The following SKAP1 variants were observed in gnomAD, a reference collection of about 807,000 sequenced individuals.
SKAP1 encodes the protein src kinase-associated phosphoprotein 1.
SKAP1 carries 44 observed loss-of-function variants against 58.5 expected under a neutral mutation model. The ratio of observed to expected loss-of-function variants is 0.75; its 90% confidence interval spans 0.59 to 0.97. The LOEUF (loss-of-function observed/expected upper bound fraction) is 0.97. Ranked by LOEUF, SKAP1 falls within the 50% of genes least tolerant of loss-of-function variation. The pLI is 0.00. For missense variants in SKAP1, 390 were observed against 435.2 expected (o/e 0.90, Z 0.92); for synonymous variants, 127 against 149.7 (o/e 0.85, Z 1.11).
At chr17:48,409,993 C>T (rs1454369982) in intron 1 of SKAP1, among the ~76,000 whole-genome samples, 1 of 152,144 alleles carries the variant, frequency 6.6e-6, no homozygotes, top group Non-Finnish European at 1.5e-5. Flanking sequence ...AGGGAAAAGG[C>T]GCTGACCTAA....
chr17:48,319,496 G>C (rs2066332447), intron 4 of SKAP1, among the ~76,000 whole-genome samples: 1 of 152,164 alleles, frequency 6.6e-6, no homozygotes, highest in Non-Finnish European at 1.5e-5. Flanking sequence ...ATAAGAAACA[G>C]CAGTAGATCA....
intron 4 of SKAP1, among the ~76,000 whole-genome samples, chr17:48,229,025 G>A (rs2065099335): frequency 6.6e-6 from 1 of 152,120 alleles, no homozygotes. Context: ...TCTCAGCACT[G>A]CCTTCAGGTC....
At chr17:48,274,043 C>A (rs2143999711) in intron 4 of SKAP1, among the ~76,000 whole-genome samples, 1 of 152,250 alleles carries the variant, frequency 6.6e-6, no homozygotes, top group Admixed American at 6.5e-5. Context: ...CCTGCTTCAG[C>A]CTCCTGAGTA....
chr17:48,366,397 A>T (rs1374338457), intron 2 of SKAP1, among the ~76,000 whole-genome samples: 1 of 149,784 alleles, frequency 6.7e-6, no homozygotes, highest in Non-Finnish European at 1.5e-5. Context: ...CTTGGGTTAG[A>T]GGGTGAGGAA....
At chr17:48,296,552 C>T (rs2065976126) in intron 4 of SKAP1, among the ~76,000 whole-genome samples, 1 of 152,110 alleles carries the variant, frequency 6.6e-6, no homozygotes. Context: ...ATACATGTAT[C>T]TACTTTAAGT....
chr17:48,420,373 T>C (rs1385142099), intron 1 of SKAP1, among the ~76,000 whole-genome samples: 1 of 152,160 alleles, frequency 6.6e-6, no homozygotes, highest in African/African-American at 2.4e-5. Flanking sequence ...ACTGTCATTG[T>C]TTGGGAAAAT....
In SKAP1 at chr17:48,430,123, G is replaced by T. The variant is rs759920683; in HGVS notation, c.-3C>A. 17 of 1,262,254 alleles carry T rather than the reference G, an allele frequency of 1.3e-5. No homozygotes were observed. The highest frequency in any genetic ancestry group is 1.2e-4 in the East Asian group (4 of 32,960). 78.2% of individuals were successfully genotyped at this position (1,262,254 alleles called of 1,614,324 possible). ...TCAGGGAGGGCGGCGGCCTGCATTT[G>T]GCTGGGCGGGAGAGAGGCGGGACGG... On this transcript the variant is annotated 5_prime_UTR_variant, in exon 1 of 13. Transcript: ENST00000336915.
At chr17:48,267,001 A>G (rs1004342792) in intron 4 of SKAP1, among the ~76,000 whole-genome samples, 1 of 152,206 alleles carries the variant, frequency 6.6e-6, no homozygotes, top group African/African-American at 2.4e-5. Context: ...GAAAGCCCTC[A>G]TAGAACATAG....
At chr17:48,168,604 C>T (rs370066351) in intron 10 of SKAP1, among the ~76,000 whole-genome samples, 23 of 152,182 alleles carry the variant, frequency 1.5e-4, no homozygotes, top group African/African-American at 3.9e-4. Flanking sequence ...TTGCAGTGAG[C>T]GGAGATAGCG....
At chr17:48,157,107 G>GT in intron 11 of SKAP1, among the ~76,000 whole-genome samples, 2 of 152,280 alleles carry the variant, frequency 1.3e-5, no homozygotes, top group East Asian at 3.9e-4. Context: ...TTTTACAGGT[G>GT]AGGAAACTGA....
At chr17:48,212,312 T>C (rs2064883414) in intron 4 of SKAP1, among the ~76,000 whole-genome samples, 1 of 152,104 alleles carries the variant, frequency 6.6e-6, no homozygotes, top group Non-Finnish European at 1.5e-5. Context: ...GAAGTGTTGG[T>C]TTATCTTTTG....
the SKAP1 span, among the ~76,000 whole-genome samples, chr17:48,437,443 C>A: frequency 4.0e-3 from 610 of 152,114 alleles, 8 homozygotes; most frequent in African/African-American, 0.014. Flanking sequence ...GTATATGCTC[C>A]ATAAATTGCA....
intron 4 of SKAP1, among the ~76,000 whole-genome samples, chr17:48,333,436 T>C (rs1436111636): frequency 1.3e-5 from 2 of 152,100 alleles, no homozygotes; most frequent in Non-Finnish European, 2.9e-5. Flanking sequence ...GTTAGTGGAG[T>C]AACCTAGCCT....
the SKAP1 span, among the ~76,000 whole-genome samples, chr17:48,438,364 T>C: frequency 6.6e-6 from 1 of 152,232 alleles, no homozygotes; most frequent in Non-Finnish European, 1.5e-5. Flanking sequence ...ACCTGTCAGA[T>C]GCTCAATAAA....
intron 4 of SKAP1, among the ~76,000 whole-genome samples, chr17:48,317,795 T>G (rs2066308663): frequency 6.6e-6 from 1 of 152,054 alleles, no homozygotes; most frequent in African/African-American, 2.4e-5. Context: ...GAACAAATAT[T>G]AAACTCTCAT....
intron 4 of SKAP1, among the ~76,000 whole-genome samples, chr17:48,204,788 A>G (rs889526979): frequency 2.0e-5 from 3 of 151,882 alleles, no homozygotes; most frequent in Non-Finnish European, 2.9e-5. Flanking sequence ...GAGCACATGA[A>G]AGGAGGAACA....
At chr17:48,215,993 C>G (rs1400690895) in intron 4 of SKAP1, among the ~76,000 whole-genome samples, 2 of 152,200 alleles carry the variant, frequency 1.3e-5, no homozygotes, top group Non-Finnish European at 2.9e-5. Flanking sequence ...AGCTGGCTTT[C>G]AGCATATTGC....
At chr17:48,321,382 T>TTATTAC (rs2066362696) in intron 4 of SKAP1, among the ~76,000 whole-genome samples, 1 of 143,098 alleles carries the variant, frequency 7.0e-6, no homozygotes, top group Admixed American at 6.9e-5. Context: ...ATTATTATTA[T>TTATTAC]TATTATTATT....
At chr17:48,443,460 C>CTGTTTGTTTGTTTGTT in the SKAP1 span, among the ~76,000 whole-genome samples, 1 of 149,984 alleles carries the variant, frequency 6.7e-6, no homozygotes, top group Non-Finnish European at 1.5e-5. Context: ...CAAGGTAAGT[C>CTGTTTGTTTGTTTGTT]TGTTTGTTTG....
Sources: gnomAD v4.1 joint callset for allele counts (sites outside exome capture counted in the v4.1 genomes callset) on GRCh38, gnomAD v4.1.1 for gene constraint, MANE v1.5 for transcripts, NCBI Gene and HGNC (gene_info 2026-07-23, HGNC 2026-07-21) for gene names.